Variants in PAQR8 observed in about 807,000 individuals in gnomAD.
PAQR8 encodes progestin and adipoQ receptor family member 8, also known as membrane progestin receptor beta.
In PAQR8, 17 loss-of-function variants were observed where a neutral mutation model predicts 25.2. The observed-to-expected ratio is 0.67, with a 90% CI of 0.46 to 1.01. The LOEUF is 1.01. PAQR8 is among the 50% of genes least tolerant of loss of function. The pLI is 0.00. For synonymous variants in PAQR8, 204 were observed against 190.6 expected, an observed-to-expected ratio of 1.07 and a Z score of -0.58; for missense variants, 392 against 448.4, an observed-to-expected ratio of 0.87 and a Z score of 1.14.
At chr6:52,396,957 T>C (rs1763774174) in intron 1 of PAQR8, among the ~76,000 whole-genome samples, 2 of 152,086 alleles carry the variant, frequency 1.3e-5, no homozygotes, top group South Asian at 4.2e-4. Context: ...TAGCTGAAGC[T>C]AAGGGCCTGG....
intron 1 of PAQR8, among the ~76,000 whole-genome samples, chr6:52,387,990 C>T (rs1166667661): frequency 3.3e-5 from 5 of 152,168 alleles, no homozygotes; most frequent in African/African-American, 9.7e-5. Context: ...CAGATGGGAC[C>T]GTCTAGTTGC....
chr6:52,394,237 C>T (rs891259108), intron 1 of PAQR8, among the ~76,000 whole-genome samples: 1 of 152,094 alleles, frequency 6.6e-6, no homozygotes, highest in Non-Finnish European at 1.5e-5. Context: ...CTCTGCTTAT[C>T]GATATAGTTC....
Position 52,384,798 on chromosome 6 carries a change from A to G in PAQR8, c.-52-18364A>G, listed in dbSNP as rs1446561336. ...ATAGTAACCAAAAGGCTACAGTAGC[A>G]TGGTACTGGTACAAAAAAAGACACA... On this transcript the variant is annotated intron_variant, in intron 1 of 1. Transcript: ENST00000442253. Among the ~76,000 whole-genome samples, 4 of 152,254 alleles carry G rather than the reference A, an allele frequency of 2.6e-5. No homozygotes were observed. In the East Asian group the frequency reaches 5.8e-4, roughly 22 times the overall value.
chr6:52,407,154 C>A lies in PAQR8; in HGVS notation c.*2876C>A, dbSNP rs1442685087. On this transcript the variant is annotated 3_prime_UTR_variant, in exon 2 of 2. Coordinates refer to ENST00000442253, the MANE Select transcript of PAQR8 (RefSeq NM_133367.5). ...TGGAAATTCTGCTGGTTAACTTTATCTCTCTCTCTCTTAATTTAGACTTTC... is the reference window on the plus strand; with the variant it reads ...TGGAAATTCTGCTGGTTAACTTTATATCTCTCTCTCTTAATTTAGACTTTC... 6.0e-6 allele frequency: 1 copy of A among 166,710 alleles called. No individual in the cohort carries two copies. Among genetic ancestry groups the A allele is most frequent in the Admixed American group, 6.5e-5 (1 of 15,278 alleles). The allele number at this position is 166,710 out of a possible 1,614,324, so 10.3% of individuals were successfully genotyped here.
chr6:52,377,646 G>A (rs1763500680), intron 1 of PAQR8, among the ~76,000 whole-genome samples: 1 of 151,956 alleles, frequency 6.6e-6, no homozygotes, highest in African/African-American at 2.4e-5. Flanking sequence ...ACATCCTTGG[G>A]ACTTGTTTAA....
chr6:52,370,074 GTTT>G (rs11304537), intron 1 of PAQR8, among the ~76,000 whole-genome samples: 6 of 148,134 alleles, frequency 4.1e-5, no homozygotes, highest in African/African-American at 1.5e-4. Context: ...GATTGCATGG[GTTT>G]TTTTTTTTCC....
At chr6:52,367,221 G>T (rs1354750535) in intron 1 of PAQR8, among the ~76,000 whole-genome samples, 1 of 152,138 alleles carries the variant, frequency 6.6e-6, no homozygotes, top group Non-Finnish European at 1.5e-5. Context: ...AAATGCACAG[G>T]ACAGCCCCGC....
intron 1 of PAQR8, among the ~76,000 whole-genome samples, chr6:52,365,697 C>T (rs1374144726): frequency 6.6e-6 from 1 of 152,026 alleles, no homozygotes; most frequent in African/African-American, 2.4e-5. Flanking sequence ...TTGGTTTTTG[C>T]CCTCCTGGTC....
chr6:52,395,737 CAT>C (rs10551224), intron 1 of PAQR8, among the ~76,000 whole-genome samples: 27,352 of 152,098 alleles, frequency 0.18, 2,662 homozygotes, highest in Non-Finnish European at 0.22. Context: ...ACTTTATGTA[CAT>C]GTTTTGCCTC....
At chr6:52,393,331 CTCTTT>C (rs1361761432) in intron 1 of PAQR8, among the ~76,000 whole-genome samples, 1 of 109,760 alleles carries the variant, frequency 9.1e-6, no homozygotes, top group African/African-American at 3.3e-5. Context: ...CACTTTCTCT[CTCTTT>C]TTTTTTTTTT....
At chr6:52,382,216 T>C (rs1216070030) in intron 1 of PAQR8, among the ~76,000 whole-genome samples, 2 of 152,196 alleles carry the variant, frequency 1.3e-5, no homozygotes, top group Admixed American at 1.3e-4. Flanking sequence ...TGGAAGAAGA[T>C]ATTGCTTTGA....
chr6:52,392,060 G>A (rs1581795368), intron 1 of PAQR8, among the ~76,000 whole-genome samples: 1 of 152,214 alleles, frequency 6.6e-6, no homozygotes, highest in South Asian at 2.1e-4. Flanking sequence ...AAGGCATAGA[G>A]AGGTTGAATA....
At chr6:52,371,751 T>C (rs899282509) in intron 1 of PAQR8, among the ~76,000 whole-genome samples, 1 of 152,204 alleles carries the variant, frequency 6.6e-6, no homozygotes. Context: ...CCAGGCATTG[T>C]GCAATGTACT....
intron 1 of PAQR8, among the ~76,000 whole-genome samples, chr6:52,400,007 T>C (rs1423694603): frequency 6.6e-6 from 1 of 152,228 alleles, no homozygotes; most frequent in East Asian, 1.9e-4. Context: ...ACTTAGCTTT[T>C]TCTTTTCTTT....
At chr6:52,376,114 ATAG>A (rs1171861195) in intron 1 of PAQR8, among the ~76,000 whole-genome samples, 1 of 152,236 alleles carries the variant, frequency 6.6e-6, no homozygotes, top group African/African-American at 2.4e-5. Context: ...TTGCTGTCAC[ATAG>A]TAGTTCTCTT....
chr6:52,374,749 G>A (rs928896959), intron 1 of PAQR8, among the ~76,000 whole-genome samples: 1 of 151,832 alleles, frequency 6.6e-6, no homozygotes, highest in Non-Finnish European at 1.5e-5. Context: ...TACCTGTCCT[G>A]TCCCATCACA....
chr6:52,374,297 A>G (rs1424942621), intron 1 of PAQR8, among the ~76,000 whole-genome samples: 1 of 152,164 alleles, frequency 6.6e-6, no homozygotes, highest in Non-Finnish European at 1.5e-5. Flanking sequence ...CATTTTTCCT[A>G]TCAAAACATC....
At chr6:52,367,009 G>A (rs1057492520) in intron 1 of PAQR8, among the ~76,000 whole-genome samples, 1 of 152,182 alleles carries the variant, frequency 6.6e-6, no homozygotes, top group Admixed American at 6.5e-5. Flanking sequence ...CTCCCAAAGT[G>A]CTGGGATTAC....
intron 1 of PAQR8, among the ~76,000 whole-genome samples, chr6:52,395,696 C>T: frequency 6.6e-6 from 1 of 152,116 alleles, no homozygotes; most frequent in East Asian, 1.9e-4. Context: ...TTATATCCTT[C>T]AGTGGGCTCT....
Sources: gnomAD v4.1 joint callset for allele counts (sites outside exome capture counted in the v4.1 genomes callset) on GRCh38, gnomAD v4.1.1 for gene constraint, MANE v1.5 for transcripts, NCBI Gene and HGNC (gene_info 2026-07-23, HGNC 2026-07-21) for gene names.